Variants in COL20A1 observed in about 807,000 individuals in gnomAD.
The protein encoded by COL20A1 is collagen alpha-1(XX) chain.
Under a neutral mutation model 152.9 loss-of-function variants are expected in COL20A1, and 164 were observed. The observed-to-expected ratio is 1.07, with a 90% CI of 0.94 to 1.22. The LOEUF (loss-of-function observed/expected upper bound fraction) is 1.22, where lower values mean the gene tolerates loss of function less well. COL20A1 is among the 50% of genes most tolerant of loss of function. The pLI is 0.00. For synonymous variants in COL20A1, 864 were observed against 756.0 expected (o/e 1.14, Z -2.34); for missense variants, 1,873 against 1,744.8 (o/e 1.07, Z -1.31).
At chr20:63,329,244 C>A in intron 34 of COL20A1, 1 of 266,288 alleles carries the variant, frequency 3.8e-6, no homozygotes, top group Admixed American at 4.9e-5. Context: ...CCACAGTGGC[C>A]TGGTTGCAGC....
chr20:63,326,739 T>A lies in COL20A1; in HGVS notation c.3457-13T>A. On this transcript the variant is annotated splice_polypyrimidine_tract_variant and intron_variant, in intron 30 of 35. Transcript: ENST00000358894. Reference sequence around the variant, plus strand: ...GGGGCCCAAGCCAAACCCTGACTTCTGTGTCTATGCAGGGGTTCCAGGGCA... The same window carrying A: ...GGGGCCCAAGCCAAACCCTGACTTCAGTGTCTATGCAGGGGTTCCAGGGCA... The A allele has an allele frequency of 2.1e-6, 3 of 1,438,068 alleles. No homozygotes were observed. Among genetic ancestry groups the A allele is most frequent in the Non-Finnish European group, 2.7e-6 (3 of 1,097,680 alleles). The allele number at this position is 1,438,068 out of a possible 1,614,324, so 89.1% of individuals were successfully genotyped here. A position where few individuals can be genotyped will look rare whatever the true frequency, so the allele number is the denominator to read the frequency against.
Position 63,307,482 on chromosome 20 carries a change from C to G in COL20A1, c.497-8C>G. ...CACCTAGCACCTGACCCGCTCCCAC[C>G]GCCCCAGCCGGCCCCCAGTTCCGCT... On this transcript the variant is annotated splice_region_variant and splice_polypyrimidine_tract_variant and intron_variant, in intron 5 of 35. Transcript: ENST00000358894. The G allele has an allele frequency of 6.2e-7, 1 of 1,609,252 alleles. No homozygotes were observed. Among genetic ancestry groups the G allele is most frequent in the Non-Finnish European group, 8.5e-7 (1 of 1,178,488 alleles).
chr20:63,322,603 C>T (rs1167028381), intron 27 of COL20A1, among the ~76,000 whole-genome samples: 1 of 152,228 alleles, frequency 6.6e-6, no homozygotes, highest in Non-Finnish European at 1.5e-5. Flanking sequence ...GGTTCTGGTT[C>T]TGCGGAGAGG....
In COL20A1 at chr20:63,308,167, G is replaced by A. The variant is rs997218648; in HGVS notation, c.775+77G>A. Reference sequence around the variant, plus strand: ...CCGCCCTCCCAGATCCCGAAAGCTTGTGTGTAAATCGAGCTCCAAGTGGTG... The same window carrying A: ...CCGCCCTCCCAGATCCCGAAAGCTTATGTGTAAATCGAGCTCCAAGTGGTG... On this transcript the variant is annotated intron_variant, in intron 7 of 35. Coordinates refer to ENST00000358894, the MANE Select transcript of COL20A1 (RefSeq NM_020882.4). 16 of 1,558,710 alleles carry A rather than the reference G, an allele frequency of 1.0e-5. No homozygotes were observed. In the Admixed American group the frequency reaches 2.9e-4, roughly 28 times the overall value.
chr20:63,321,227 G>A (rs2068158595), intron 26 of COL20A1, 128 bp downstream of exon 26: 5 of 627,572 alleles, frequency 8.0e-6, no homozygotes, highest in Admixed American at 2.7e-5. Flanking sequence ...GAGTTGGGAT[G>A]TATTTCATGA....
rs112247536 is a variant in COL20A1, at chr20:63,306,260, C to T, written c.496+221C>T. On this transcript the variant is annotated intron_variant, in intron 5 of 35. Transcript: ENST00000358894. The surrounding 1 kb of genome is among the most constrained non-coding windows in gnomAD (Gnocchi z 6.9). ...ACCACACGGTCTCTGACCACGAGGC[C>T]GGGAAGTTCTTCCTCGTGTCTGACC... Among the ~76,000 whole-genome samples the T allele has an allele frequency of 5.1e-5, 4 of 78,832 alleles. No homozygotes were observed. The highest frequency in any genetic ancestry group is 1.1e-4 in the African/African-American group (2 of 18,390). 51.7% of individuals were successfully genotyped at this position (78,832 alleles called of 152,430 possible). A position where few individuals can be genotyped will look rare whatever the true frequency, so the allele number is the denominator to read the frequency against.
At chr20:63,293,305 G>C (rs1201961980) in intron 1 of COL20A1, 30 bp downstream of exon 1, 2 of 152,322 alleles carry the variant, frequency 1.3e-5, no homozygotes, top group African/African-American at 2.4e-5. Flanking sequence ...TCCTGAGGCT[G>C]GGTGGATAAG....
chr20:63,316,220 G>A (rs903534995), intron 20 of COL20A1, among the ~76,000 whole-genome samples: 11 of 152,246 alleles, frequency 7.2e-5, no homozygotes, highest in African/African-American at 1.9e-4. Context: ...GCTCATGATC[G>A]GGGGCTGGGC....
rs2068041419 is a variant in COL20A1, at chr20:63,313,359, G to T, written c.2209+110G>T. The T allele has an allele frequency of 4.9e-6, 6 of 1,231,134 alleles. No homozygotes were observed. The highest frequency in any genetic ancestry group is 6.7e-6 in the Non-Finnish European group (6 of 894,398). 76.3% of individuals were successfully genotyped at this position (1,231,134 alleles called of 1,614,324 possible). A position where few individuals can be genotyped will look rare whatever the true frequency, so the allele number is the denominator to read the frequency against. On this transcript the variant is annotated intron_variant, in intron 17 of 35. Coordinates refer to ENST00000358894, the MANE Select transcript of COL20A1 (RefSeq NM_020882.4). This position sits in a 1 kb window ranked among gnomAD's most constrained non-coding sequence, Gnocchi z 5.9. ...GGACCCTAGACTCCCAGAACTGCTGGCTCCAGAGCCCTGATCACTGGGCCT... is the reference window on the plus strand; with the variant it reads ...GGACCCTAGACTCCCAGAACTGCTGTCTCCAGAGCCCTGATCACTGGGCCT...
chr20:63,303,043 C>A (rs941941708), intron 3 of COL20A1, among the ~76,000 whole-genome samples: 2 of 152,138 alleles, frequency 1.3e-5, no homozygotes, highest in Admixed American at 6.5e-5. Flanking sequence ...GGTGATTATT[C>A]CCTGATGCCA....
chr20:63,308,484 C>T (rs1016202817), intron 7 of COL20A1, 58 bp from the exon 8 acceptor site: 7 of 1,451,404 alleles, frequency 4.8e-6, no homozygotes, highest in Middle Eastern at 1.8e-4. Flanking sequence ...TGCTGCCAGC[C>T]GAGCACCAGG....
In COL20A1 at chr20:63,319,602, G is replaced by A. The variant is rs1379113111; in HGVS notation, c.2916+6G>A. On this transcript the variant is annotated splice_donor_region_variant and intron_variant, in intron 23 of 35. Coordinates refer to ENST00000358894, the MANE Select transcript of COL20A1 (RefSeq NM_020882.4). This position sits in a 1 kb window ranked among gnomAD's most constrained non-coding sequence, Gnocchi z 4.4. ...TCTTCGGGAGCTTCCACAAGGTCCT[G>A]GTGCAGCTCGCGCCCCTCTCCCCCG... 1.9e-6 allele frequency: 3 copies of A among 1,557,540 alleles called. No homozygotes were observed. The highest frequency in any genetic ancestry group is 1.7e-6 in the Non-Finnish European group (2 of 1,149,350).
chr20:63,314,330 G>A (rs947913217), intron 19 of COL20A1, 129 bp downstream of exon 19: 2 of 785,754 alleles, frequency 2.5e-6, no homozygotes, highest in Non-Finnish European at 4.1e-6. Context: ...TGACCCCAGG[G>A]GTCACAGGCA....
At chr20:63,327,702 G>A (rs2068272337) in intron 31 of COL20A1, 2 of 569,446 alleles carry the variant, frequency 3.5e-6, no homozygotes, top group South Asian at 2.1e-5. Flanking sequence ...CCAGAGGCAA[G>A]TCCTTTGTGG....
chr20:63,320,931 G>T, intron 25 of COL20A1, 82 bp from the exon 26 acceptor site: 3 of 1,080,874 alleles, frequency 2.8e-6, no homozygotes, highest in Non-Finnish European at 4.1e-6. Context: ...GAGCCCAGGT[G>T]TCATTGGCTA....
rs1057059967 is a variant in COL20A1 at position 63,297,900 on chromosome 20, G to A, written c.83-10G>A. 5 of 1,611,556 alleles carry A rather than the reference G, an allele frequency of 3.1e-6. No individual in the cohort carries two copies. The highest frequency in any genetic ancestry group is 1.7e-5 in the Admixed American group (1 of 59,964). On this transcript the variant is annotated splice_polypyrimidine_tract_variant and intron_variant, in intron 2 of 35. Coordinates refer to ENST00000358894, the MANE Select transcript of COL20A1 (RefSeq NM_020882.4). ...AGGTCAGTCCTGACCACTATGTCCT[G>A]TTTCTGTAGCAAGCGGTCTCCTGAG...
Position 63,311,700 on chromosome 20 carries a change from C to G in COL20A1, c.1615C>G (p.Leu539Val). The G allele has an allele frequency of 6.2e-7, 1 of 1,605,192 alleles. No homozygotes were observed. Among genetic ancestry groups the G allele is most frequent in the African/African-American group, 1.3e-5 (1 of 74,940 alleles). Reference protein sequence around the residue: ...GRDYEVSVQSLRGPEGSEARG... With the variant: ...GRDYEVSVQSVRGPEGSEARG... ...GGACTATGAGGTCTCGGTGCAGAGCCTGCGAGGCCCTGAGGGCAGCGAGGC... is the reference window on the plus strand; with the variant it reads ...GGACTATGAGGTCTCGGTGCAGAGCGTGCGAGGCCCTGAGGGCAGCGAGGC... Residue 539 changes from leucine to valine, a missense_variant, in exon 13 of 36, where the codon CTG becomes GTG. Physicochemically the swap from Leu to Val is conservative, Grantham distance 32. Transcript: ENST00000358894. This position sits in a 1 kb window ranked among gnomAD's most constrained non-coding sequence, Gnocchi z 4.4.
At chr20:63,299,354 A>G (rs956282315) in intron 3 of COL20A1, among the ~76,000 whole-genome samples, 1 of 152,186 alleles carries the variant, frequency 6.6e-6, no homozygotes, top group Non-Finnish European at 1.5e-5. Flanking sequence ...TCAACACTGT[A>G]TGATTGCTTC....
In COL20A1 at chr20:63,308,050, TG is replaced by T. The variant is rs1334053010; in HGVS notation, c.736del (p.Val246CysfsTer17). 1 of 1,612,574 alleles carries T rather than the reference TG, an allele frequency of 6.2e-7. No individual in the cohort carries two copies. The highest frequency in any genetic ancestry group is 1.7e-5 in the Admixed American group (1 of 60,004). ...GCACCAAGGAACAGGTGCTGGCAGCTGTGCGCCGCCTCCGCTACAAGGGGGG... is the reference window on the plus strand; with the variant it reads ...GCACCAAGGAACAGGTGCTGGCAGCTTGCGCCGCCTCCGCTACAAGGGGGG... ...LSTKEQVLAA[V>X]RRLRYKGGNT... On this transcript the variant is annotated frameshift_variant, in exon 7 of 36. Transcript: ENST00000358894. LOFTEE classifies it high-confidence loss of function.
Sources: allele counts gnomAD v4.1 joint callset (sites outside exome capture counted in the v4.1 genomes callset), GRCh38; gene constraint gnomAD v4.1.1; non-coding constraint Gnocchi (gnomAD v3.1); transcripts MANE v1.5; gene names NCBI Gene and HGNC (gene_info 2026-07-23, HGNC 2026-07-21).